The following ANO4 variants were observed in gnomAD, a reference collection of about 807,000 sequenced individuals.
ANO4 encodes anoctamin 4.
In ANO4, 69 loss-of-function variants were observed where a neutral mutation model predicts 141.9. The observed-to-expected ratio is 0.49, with a 90% CI of 0.40 to 0.59. The LOEUF (loss-of-function observed/expected upper bound fraction) is 0.59. Ranked by LOEUF, ANO4 falls within the 20% of genes least tolerant of loss-of-function variation. The pLI is 0.00. For missense variants in ANO4, 894 were observed against 1,162.2 expected (o/e 0.77, Z 3.36); for synonymous variants, 350 against 394.3 (o/e 0.89, Z 1.33).
chr12:101,103,227 A>ATC (rs1198975062), intron 22 of ANO4, among the ~76,000 whole-genome samples: 39 of 108,822 alleles, frequency 3.6e-4, no homozygotes, highest in African/African-American at 1.3e-3. Context: ...ATATATATAT[A>ATC]TATCTTTTTG....
chr12:101,104,278 T>C (rs2136982783), intron 22 of ANO4, among the ~76,000 whole-genome samples: 1 of 151,846 alleles, frequency 6.6e-6, no homozygotes, highest in Non-Finnish European at 1.5e-5. Flanking sequence ...TTGGGCTTAA[T>C]TTCACTTTTT....
At chr12:101,083,886 A>T (rs1047181718) in intron 16 of ANO4, 68 bp downstream of exon 16, 1 of 1,365,230 alleles carries the variant, frequency 7.3e-7, no homozygotes, top group African/African-American at 1.5e-5. Context: ...CAGTAATCAT[A>T]TTGGGCATTT....
At chr12:100,876,450 G>A (rs372868494) in intron 1 of ANO4, among the ~76,000 whole-genome samples, 14 of 152,298 alleles carry the variant, frequency 9.2e-5, no homozygotes, top group African/African-American at 2.9e-4. Context: ...AGGGAAATGG[G>A]ATGATAGCTG....
chr12:100,986,839 C>T (rs2044728924), intron 7 of ANO4, among the ~76,000 whole-genome samples: 1 of 152,090 alleles, frequency 6.6e-6, no homozygotes, highest in Non-Finnish European at 1.5e-5. Context: ...ACCGAGGGAC[C>T]AGGGAGATAG....
At chr12:101,086,604 C>G in intron 16 of ANO4, 56 bp from the exon 17 acceptor site, 1 of 1,598,318 alleles carries the variant, frequency 6.3e-7, no homozygotes, top group Non-Finnish European at 8.6e-7. Flanking sequence ...GAATGTGAAT[C>G]CTCTTCCTGT....
Position 100,942,506 on chromosome 12 carries a change from A to C in ANO4, c.427A>C (p.Arg143=). 1 of 1,614,032 alleles carries C rather than the reference A, an allele frequency of 6.2e-7. No homozygotes were observed. Among genetic ancestry groups the C allele is most frequent in the African/African-American group, 1.3e-5 (1 of 75,070 alleles). Reference sequence around the variant, plus strand: ...GAGAGAAGTATTTGAAAGAAACATTAGAGCAGAAGGATTGCAAATGGAGAA... The same window carrying C: ...GAGAGAAGTATTTGAAAGAAACATTCGAGCAGAAGGATTGCAAATGGAGAA... ...EKREVFERNI[R]AEGLQMEKES... Residue 143 remains arginine (R), a synonymous_variant, in exon 5 of 28, where the codon AGA becomes CGA. Transcript: ENST00000392977.
At position 100,942,441 on chromosome 12, in the gene ANO4, AC is replaced by A; in HGVS notation, c.363del (p.Tyr121Ter). The A allele has an allele frequency of 6.2e-7, 1 of 1,614,166 alleles. No homozygotes were observed. Among genetic ancestry groups the A allele is most frequent in the East Asian group, 2.2e-5 (1 of 44,862 alleles). The stretch of plus-strand genomic sequence containing the variant: ...CGAGATGGAAAGTGTCGAATTGACT[AC>A]ATCCTTGTGTACAGAAAATCCAACC... ...YFRDGKCRID[Y>X]ILVYRKSNPQ... On this transcript the variant is annotated frameshift_variant, in exon 5 of 28. Coordinates refer to ENST00000392977, the MANE Select transcript of ANO4 (RefSeq NM_001286615.2). LOFTEE classifies it high-confidence loss of function.
chr12:100,933,418 C>T (rs2042161630), intron 3 of ANO4, among the ~76,000 whole-genome samples: 1 of 152,156 alleles, frequency 6.6e-6, no homozygotes, highest in Admixed American at 6.5e-5. Flanking sequence ...TGGTTTCCAG[C>T]TTCATCCATG....
intron 14 of ANO4, among the ~76,000 whole-genome samples, chr12:101,060,761 G>A (rs142408802): frequency 8.3e-4 from 126 of 151,746 alleles, no homozygotes; most frequent in Admixed American, 2.6e-3. Flanking sequence ...TATTTTGAGC[G>A]CATGTATGTC....
At chr12:100,997,331 C>CAAAA (rs34066695) in intron 8 of ANO4, among the ~76,000 whole-genome samples, 124 of 75,796 alleles carry the variant, frequency 1.6e-3, no homozygotes, top group African/African-American at 3.5e-3. Context: ...GACTCTGTCT[C>CAAAA]AAAAAAAAAA....
At chr12:100,931,501 C>A (rs75559911) in intron 3 of ANO4, among the ~76,000 whole-genome samples, 1 of 152,122 alleles carries the variant, frequency 6.6e-6, no homozygotes. Flanking sequence ...AATGAAAATT[C>A]ATCTTTGTCA....
intron 1 of ANO4, among the ~76,000 whole-genome samples, chr12:100,869,961 T>C (rs1009517097): frequency 2.0e-5 from 3 of 152,218 alleles, no homozygotes; most frequent in African/African-American, 7.2e-5. Flanking sequence ...TTATTTGTTT[T>C]CTGTTTTTTC....
At chr12:101,087,143 C>T (rs1414738017) in intron 17 of ANO4, among the ~76,000 whole-genome samples, 1 of 152,148 alleles carries the variant, frequency 6.6e-6, no homozygotes, top group Non-Finnish European at 1.5e-5. Context: ...GAATTTAGAA[C>T]ACTCAGAACC....
chr12:101,066,659 C>A, intron 14 of ANO4: 1 of 610,272 alleles, frequency 1.6e-6, no homozygotes, highest in Non-Finnish European at 3.0e-6. Context: ...GCGTCCCCAT[C>A]ATGGCCCTGC....
intron 1 of ANO4, among the ~76,000 whole-genome samples, chr12:100,807,310 C>T (rs575355379): frequency 6.6e-6 from 1 of 152,218 alleles, no homozygotes; most frequent in South Asian, 2.1e-4. Flanking sequence ...GTAGTTAGAA[C>T]TATTTTTGGA....
chr12:101,085,986 C>T (rs1303003176), intron 16 of ANO4, among the ~76,000 whole-genome samples: 2 of 151,544 alleles, frequency 1.3e-5, no homozygotes, highest in African/African-American at 2.4e-5. Flanking sequence ...CATGACAACA[C>T]GAAAAACAAA....
intron 1 of ANO4, among the ~76,000 whole-genome samples, chr12:100,865,751 T>A (rs1464402417): frequency 6.6e-6 from 1 of 151,880 alleles, no homozygotes; most frequent in East Asian, 1.9e-4. Context: ...TCAAGAAGAG[T>A]ATAATAAAGG....
At chr12:100,845,902 G>A (rs1288398335) in intron 1 of ANO4, among the ~76,000 whole-genome samples, 1 of 152,164 alleles carries the variant, frequency 6.6e-6, no homozygotes, top group Non-Finnish European at 1.5e-5. Flanking sequence ...AGCCTAAAGG[G>A]AGTGAATGAC....
intron 1 of ANO4, among the ~76,000 whole-genome samples, chr12:100,809,605 G>T (rs963092656): frequency 1.3e-5 from 2 of 152,158 alleles, no homozygotes; most frequent in Non-Finnish European, 2.9e-5. Context: ...AGGCACTGGG[G>T]CATGAATCAG....
Sources: gnomAD v4.1 joint callset for allele counts (sites outside exome capture counted in the v4.1 genomes callset) on GRCh38, gnomAD v4.1.1 for gene constraint, MANE v1.5 for transcripts, NCBI Gene and HGNC (gene_info 2026-07-23, HGNC 2026-07-21) for gene names.